CCND1: variants seen among roughly 807,000 people sequenced by gnomAD.
The protein encoded by CCND1 is G1/S-specific cyclin-D1.
Under a neutral mutation model 26.1 loss-of-function variants are expected in CCND1, and 9 were observed. That is an observed-to-expected ratio of 0.35 (90% confidence interval 0.21 to 0.60). The LOEUF (loss-of-function observed/expected upper bound fraction) is 0.60, where lower values mean the gene tolerates loss of function less well. Ranked by LOEUF, CCND1 falls within the 20% of genes least tolerant of loss-of-function variation. CCND1 has a pLI of 0.79. For missense variants in CCND1, 335 were observed against 392.9 expected (o/e 0.85, Z 1.25); for synonymous variants, 194 against 166.1 (o/e 1.17, Z -1.29).
Position 69,643,958 on chromosome 11 carries a change from C to T in CCND1, c.541C>T (p.His181Tyr), listed in dbSNP as rs2120094866. ...AEENKQIIRK[H>Y]AQTFVALCAT... is the part of the protein sequence containing the mutation. ...GGAGAACAAACAGATCATCCGCAAA[C>T]ACGCGCAGACCTTCGTTGCCCTCTG... is the stretch of plus-strand genomic sequence containing the variant. The change falls in exon 3 of 5, where the codon CAC becomes TAC. Residue 181 changes from histidine to tyrosine, a missense_variant. His to Tyr is a moderately conservative substitution (Grantham distance 83). Transcript: ENST00000227507. 1 of 1,613,496 alleles carries T rather than the reference C, an allele frequency of 6.2e-7. No individual in the cohort carries two copies. The highest frequency in any genetic ancestry group is 8.5e-7 in the Non-Finnish European group (1 of 1,180,014).
intron 3 of CCND1, among the ~76,000 whole-genome samples, chr11:69,644,558 C>G (rs1227601354): frequency 6.6e-6 from 1 of 152,188 alleles, no homozygotes; most frequent in Admixed American, 6.5e-5. Flanking sequence ...GGCAGCCAGC[C>G]GGGCTCAGCT....
At chr11:69,641,579 C>G in intron 1 of CCND1, 68 bp downstream of exon 1, 1 of 1,417,798 alleles carries the variant, frequency 7.1e-7, no homozygotes, top group Non-Finnish European at 9.9e-7. Flanking sequence ...CGTTTCTTTG[C>G]TACTCACCCC....
chr11:69,644,069 C>A (rs1590913692), intron 3 of CCND1, 78 bp downstream of exon 3: 2 of 1,414,022 alleles, frequency 1.4e-6, no homozygotes, highest in Non-Finnish European at 2.0e-6. Flanking sequence ...TCTTGCTCTC[C>A]ACCTGGGTGC....
In CCND1 at chr11:69,654,418, C is replaced by A; in HGVS notation, c.*3136C>A. On this transcript the variant is annotated 3_prime_UTR_variant, in exon 5 of 5. Coordinates refer to ENST00000227507, the MANE Select transcript of CCND1 (RefSeq NM_053056.3). This position sits in a 1 kb window ranked among gnomAD's most constrained non-coding sequence, Gnocchi z 6.3. ...CACCAACATGTAACCGGCATGTTTCCAGCAGAAGACAAAAAGACAAACATG... is the reference window on the plus strand; with the variant it reads ...CACCAACATGTAACCGGCATGTTTCAAGCAGAAGACAAAAAGACAAACATG... The A allele has an allele frequency of 1.5e-6, 1 of 688,016 alleles. No individual in the cohort carries two copies. The highest frequency in any genetic ancestry group is 2.1e-5 in the Admixed American group (1 of 48,248). The allele number at this position is 688,016 out of a possible 1,614,324, so 42.6% of individuals were successfully genotyped here.
In CCND1 at chr11:69,645,111, T is replaced by G. The variant is rs140177061; in HGVS notation, c.574+1120T>G. Among the ~76,000 whole-genome samples, 582 of 152,186 alleles carry G rather than the reference T, an allele frequency of 3.8e-3. 4 individuals carry two copies. The highest frequency in any genetic ancestry group is 0.013 in the African/African-American group (555 of 41,506). ...GGGGCATGAACCCCTCCCCCACGTT[T>G]CCAAGCGAGTCCCCAAGGTGGGCAG... On this transcript the variant is annotated intron_variant, in intron 3 of 4. Coordinates refer to ENST00000227507, the MANE Select transcript of CCND1 (RefSeq NM_053056.3).
chr11:69,643,535 C>G (rs1040245780), intron 2 of CCND1, among the ~76,000 whole-genome samples: 1 of 152,244 alleles, frequency 6.6e-6, no homozygotes, highest in Non-Finnish European at 1.5e-5. Context: ...AGGAGCGCCG[C>G]GCTCGGCGCT....
At chr11:69,646,215 T>C (rs367638523) in intron 3 of CCND1, among the ~76,000 whole-genome samples, 3 of 152,288 alleles carry the variant, frequency 2.0e-5, no homozygotes, top group Non-Finnish European at 4.4e-5. Flanking sequence ...TTTGCCTCAA[T>C]GAGAAGGTTT....
chr11:69,647,857 G>A (rs1331953451), intron 3 of CCND1, 137 bp from the exon 4 acceptor site: 3 of 940,228 alleles, frequency 3.2e-6, no homozygotes, highest in Admixed American at 2.5e-5. Flanking sequence ...GGGCCTGGAT[G>A]TGGAGCCTCA....
In CCND1 at chr11:69,651,659, T is replaced by A; in HGVS notation, c.*377T>A. ...AATAGGCATTAACACAAAGGAGGCG[T>A]CTCGGGAGAGGATTAGGTTCCATCC... On this transcript the variant is annotated 3_prime_UTR_variant, in exon 5 of 5. Transcript: ENST00000227507. 1 of 247,688 alleles carries A rather than the reference T, an allele frequency of 4.0e-6. No individual in the cohort carries two copies. Among genetic ancestry groups the A allele is most frequent in the Admixed American group, 5.5e-5 (1 of 18,178 alleles). 15.3% of individuals were successfully genotyped at this position (247,688 alleles called of 1,614,324 possible).
At chr11:69,648,478 G>A (rs1855813853) in intron 4 of CCND1, among the ~76,000 whole-genome samples, 1 of 152,260 alleles carries the variant, frequency 6.6e-6, no homozygotes, top group Non-Finnish European at 1.5e-5. Context: ...TTAGGCCCAG[G>A]CGAGCTTTGT....
chr11:69,651,639 G>A lies in CCND1; in HGVS notation c.*357G>A. 3.9e-6 allele frequency: 1 copy of A among 255,464 alleles called. No homozygotes were observed. Among genetic ancestry groups the A allele is most frequent in the East Asian group, 5.7e-5 (1 of 17,420 alleles). 15.8% of individuals were successfully genotyped at this position (255,464 alleles called of 1,614,324 possible). ...ACTTGTTTCTCTGTTGTAAGAATAG[G>A]CATTAACACAAAGGAGGCGTCTCGG... On this transcript the variant is annotated 3_prime_UTR_variant, in exon 5 of 5. Coordinates refer to ENST00000227507, the MANE Select transcript of CCND1 (RefSeq NM_053056.3).
rs1590915257 is a variant in CCND1, at chr11:69,647,916, C to G, written c.575-78C>G. 3.2e-6 allele frequency: 5 copies of G among 1,551,634 alleles called. No homozygotes were observed. In the East Asian group the frequency reaches 9.0e-5, roughly 28 times the overall value. ...CCGGGCCGCTTGCTCAGAGCCAGCA[C>G]ACAGGGATGCCCGGATCACGGGGGC... is the stretch of plus-strand genomic sequence containing the variant. On this transcript the variant is annotated intron_variant, in intron 3 of 4. Coordinates refer to ENST00000227507, the MANE Select transcript of CCND1 (RefSeq NM_053056.3).
rs141880768 is a variant in CCND1 at position 69,643,963 on chromosome 11, G to A, written c.546G>A (p.Ala182=). ...ACAAACAGATCATCCGCAAACACGCGCAGACCTTCGTTGCCCTCTGTGCCA... is the reference window on the plus strand; with the variant it reads ...ACAAACAGATCATCCGCAAACACGCACAGACCTTCGTTGCCCTCTGTGCCA... The part of the protein sequence containing the change: ...EENKQIIRKH[A]QTFVALCATD... The change falls in exon 3 of 5, where the codon GCG becomes GCA. Residue 182 remains alanine, a synonymous_variant. Coordinates refer to ENST00000227507, the MANE Select transcript of CCND1 (RefSeq NM_053056.3). The A allele has an allele frequency of 3.7e-6, 6 of 1,613,284 alleles. No homozygotes were observed. In the African/African-American group the frequency reaches 5.3e-5, roughly 14 times the overall value.
At position 69,641,223 on chromosome 11, in the gene CCND1, C is replaced by A; in HGVS notation, c.-91C>A. On this transcript the variant is annotated 5_prime_UTR_variant, in exon 1 of 5. Transcript: ENST00000227507. ...CGCTCCGGCGAGGGGCAGAAGAGCG[C>A]GAGGGAGCGCGGGGCAGCAGAAGCG... The A allele has an allele frequency of 1.6e-6, 2 of 1,282,588 alleles. No individual in the cohort carries two copies. The highest frequency in any genetic ancestry group is 2.2e-6 in the Non-Finnish European group (2 of 897,810). 79.5% of individuals were successfully genotyped at this position (1,282,588 alleles called of 1,614,324 possible). A position where few individuals can be genotyped will look rare whatever the true frequency, so the allele number is the denominator to read the frequency against.
chr11:69,649,331 G>C (rs763352457), intron 4 of CCND1, among the ~76,000 whole-genome samples: 1 of 152,176 alleles, frequency 6.6e-6, no homozygotes, highest in Non-Finnish European at 1.5e-5. Context: ...TGCTGTCTTC[G>C]GGCAGTTGTG....
intron 1 of CCND1, among the ~76,000 whole-genome samples, chr11:69,642,608 G>A (rs1215117722): frequency 6.6e-6 from 1 of 152,084 alleles, no homozygotes; most frequent in East Asian, 1.9e-4. Flanking sequence ...GGGGAAATGC[G>A]GCGCGGCGGC....
At position 69,644,542 on chromosome 11, in the gene CCND1, G is replaced by A. The variant is rs1855754803; in HGVS notation, c.574+551G>A. Among the ~76,000 whole-genome samples the A allele has an allele frequency of 2.0e-5, 3 of 152,168 alleles. No individual in the cohort carries two copies. The South Asian group carries it at 6.2e-4, about 31-fold the overall frequency. Reference sequence around the variant, plus strand: ...CTCGGCTGCCTGAGGCCCTGCCAGGGGTGCCGGCAGCCAGCCGGGCTCAGC... The same window carrying A: ...CTCGGCTGCCTGAGGCCCTGCCAGGAGTGCCGGCAGCCAGCCGGGCTCAGC... On this transcript the variant is annotated intron_variant, in intron 3 of 4. Coordinates refer to ENST00000227507, the MANE Select transcript of CCND1 (RefSeq NM_053056.3).
chr11:69,653,719 T>G lies in CCND1; in HGVS notation c.*2437T>G, dbSNP rs537102020. On this transcript the variant is annotated 3_prime_UTR_variant, in exon 5 of 5. Transcript: ENST00000227507. ...TCTGATCGGGGGCGTAGCATCATAG[T>G]AGTTTTTACAGCTGTGTTATTCTTT... 15 of 300,168 alleles carry G rather than the reference T, an allele frequency of 5.0e-5. No individual in the cohort carries two copies. In the South Asian group the frequency reaches 1.3e-3, roughly 26 times the overall value. 18.6% of individuals were successfully genotyped at this position (300,168 alleles called of 1,614,324 possible).
chr11:69,652,325 A>C lies in CCND1; in HGVS notation c.*1043A>C, dbSNP rs1855866136. 4.3e-6 allele frequency: 1 copy of C among 233,552 alleles called. No homozygotes were observed. The highest frequency in any genetic ancestry group is 8.5e-6 in the Non-Finnish European group (1 of 118,002). 14.5% of individuals were successfully genotyped at this position (233,552 alleles called of 1,614,324 possible). On this transcript the variant is annotated 3_prime_UTR_variant, in exon 5 of 5. Transcript: ENST00000227507. Reference sequence around the variant, plus strand: ...TTTCAGTCCAATAGGTGTAGGAAATAGCGCTGTTTTTGTTGTGTGTGCAGG... The same window carrying C: ...TTTCAGTCCAATAGGTGTAGGAAATCGCGCTGTTTTTGTTGTGTGTGCAGG...
Sources: gnomAD v4.1 joint callset for allele counts (sites outside exome capture counted in the v4.1 genomes callset) on GRCh38, gnomAD v4.1.1 for gene constraint, Gnocchi (gnomAD v3.1) non-coding constraint, MANE v1.5 for transcripts, NCBI Gene and HGNC (gene_info 2026-07-23, HGNC 2026-07-21) for gene names.